CRPPA: variants seen among roughly 807,000 people sequenced by gnomAD.
CRPPA encodes the protein D-ribitol-5-phosphate cytidylyltransferase.
CRPPA carries 43 observed loss-of-function variants against 52.0 expected under a neutral mutation model. The ratio of observed to expected loss-of-function variants is 0.83; its 90% confidence interval spans 0.65 to 1.07. CRPPA has a LOEUF of 1.07. Ranked by LOEUF, CRPPA falls within the 50% of genes least tolerant of loss-of-function variation. CRPPA has a pLI of 0.00. For synonymous variants in CRPPA, 250 were observed against 203.5 expected (o/e 1.23, Z -1.94); for missense variants, 629 against 551.7 (o/e 1.14, Z -1.40).
At chr7:16,381,562 C>T (rs1481921643) in intron 2 of CRPPA, among the ~76,000 whole-genome samples, 1 of 151,918 alleles carries the variant, frequency 6.6e-6, no homozygotes, top group African/African-American at 2.4e-5. Context: ...CTTTCTGTCT[C>T]ATTGATCTGT....
intron 3 of CRPPA, among the ~76,000 whole-genome samples, chr7:16,319,839 GTGGT>G (rs920648846): frequency 1.3e-5 from 2 of 152,106 alleles, no homozygotes; most frequent in African/African-American, 4.8e-5. Flanking sequence ...CTCTGCTAGG[GTGGT>G]CATAGATTAG....
chr7:16,173,733 A>G (rs890616665), intron 9 of CRPPA, among the ~76,000 whole-genome samples: 6 of 152,198 alleles, frequency 3.9e-5, no homozygotes, highest in Non-Finnish European at 7.4e-5. Flanking sequence ...TCCCTACAGA[A>G]AAAATGGTTA....
intron 9 of CRPPA, among the ~76,000 whole-genome samples, chr7:16,163,568 C>T (rs1780968161): frequency 6.6e-6 from 1 of 152,106 alleles, no homozygotes. Flanking sequence ...ATGATACTAG[C>T]TGGTTATTTT....
At chr7:16,165,466 T>C (rs1382287099) in intron 9 of CRPPA, among the ~76,000 whole-genome samples, 4 of 152,306 alleles carry the variant, frequency 2.6e-5, no homozygotes, top group Middle Eastern at 3.4e-3. Context: ...TCAGTTATCA[T>C]CAGTTCTAGG....
In CRPPA at chr7:16,258,995, A is replaced by T; in HGVS notation, c.951T>A (p.Ser317=). ...KSELNHVKVT[S]EALGHAGRHL... Reference sequence around the variant, plus strand: ...GTCTGCCAGCATGACCCAGAGCCTCAGATGTGACTTTTACATGCTAGTAGG... The same window carrying T: ...GTCTGCCAGCATGACCCAGAGCCTCTGATGTGACTTTTACATGCTAGTAGG... Residue 317 remains serine (S), a synonymous_variant, in exon 7 of 10, where the codon TCT becomes TCA. Coordinates refer to ENST00000407010, the MANE Select transcript of CRPPA (RefSeq NM_001101426.4). 6.2e-7 allele frequency: 1 copy of T among 1,609,986 alleles called. No individual in the cohort carries two copies. The highest frequency in any genetic ancestry group is 1.1e-5 in the South Asian group (1 of 90,504).
chr7:16,176,872 C>T (rs1200453857), intron 9 of CRPPA, among the ~76,000 whole-genome samples: 1 of 152,036 alleles, frequency 6.6e-6, no homozygotes, highest in Non-Finnish European at 1.5e-5. Flanking sequence ...AATGCTGCTA[C>T]AAGTATTATT....
intron 9 of CRPPA, among the ~76,000 whole-genome samples, chr7:16,212,300 A>G (rs926914712): frequency 6.6e-5 from 10 of 152,196 alleles, no homozygotes; most frequent in Non-Finnish European, 1.3e-4. Context: ...TTGCTTTCAA[A>G]AGTTCTATTT....
chr7:16,205,318 T>G (rs1781950525), intron 9 of CRPPA, among the ~76,000 whole-genome samples: 1 of 152,196 alleles, frequency 6.6e-6, no homozygotes, highest in African/African-American at 2.4e-5. Flanking sequence ...GTTCTCATGA[T>G]GTTGCTGGCA....
rs147407170 is a variant in CRPPA, at chr7:16,295,156, C to T, written c.835+6265G>A. ...TAAAAGAATTTAACTGCTCTTCTAT[C>T]GGTATAGTTTTTCAGAAACAAATAA... On this transcript the variant is annotated intron_variant, in intron 5 of 9. Coordinates refer to ENST00000407010, the MANE Select transcript of CRPPA (RefSeq NM_001101426.4). Among the ~76,000 whole-genome samples the T allele has an allele frequency of 6.2e-4, 95 of 152,070 alleles. 1 individual carries two copies. Among genetic ancestry groups the T allele is most frequent in the African/African-American group, 2.2e-3 (93 of 41,520 alleles).
intron 3 of CRPPA, among the ~76,000 whole-genome samples, chr7:16,325,564 T>A (rs922099483): frequency 6.6e-6 from 1 of 152,126 alleles, no homozygotes; most frequent in Non-Finnish European, 1.5e-5. Context: ...GAAAGAGTGA[T>A]GACTATATAA....
At chr7:16,213,586 T>C (rs1417587858) in intron 9 of CRPPA, among the ~76,000 whole-genome samples, 2 of 152,026 alleles carry the variant, frequency 1.3e-5, no homozygotes, top group Non-Finnish European at 2.9e-5. Context: ...CTGTCTCTAC[T>C]ACATATACAA....
At chr7:16,324,606 G>A (rs1273818558) in intron 3 of CRPPA, among the ~76,000 whole-genome samples, 1 of 152,148 alleles carries the variant, frequency 6.6e-6, no homozygotes, top group Non-Finnish European at 1.5e-5. Flanking sequence ...CCACCTTGAA[G>A]GCACCTCTAG....
At chr7:16,251,917 C>CAA (rs926637506) in intron 8 of CRPPA, among the ~76,000 whole-genome samples, 10 of 151,892 alleles carry the variant, frequency 6.6e-5, no homozygotes, top group African/African-American at 2.4e-4. Context: ...GAAAACCCTT[C>CAA]AAAAAAATCA....
At chr7:16,324,477 T>C (rs1161373375) in intron 3 of CRPPA, among the ~76,000 whole-genome samples, 1 of 152,232 alleles carries the variant, frequency 6.6e-6, no homozygotes, top group Admixed American at 6.5e-5. Context: ...CAGCAGAGAA[T>C]GTAATTGGCA....
intron 9 of CRPPA, among the ~76,000 whole-genome samples, chr7:16,130,029 A>T (rs556137407): frequency 1.3e-5 from 2 of 152,272 alleles, no homozygotes; most frequent in East Asian, 3.9e-4. Flanking sequence ...TTCCCATTCT[A>T]CCTGGGATCA....
intron 2 of CRPPA, among the ~76,000 whole-genome samples, chr7:16,384,088 C>T (rs1234471387): frequency 6.6e-6 from 1 of 152,212 alleles, no homozygotes; most frequent in Non-Finnish European, 1.5e-5. Flanking sequence ...TCTTCTGCGT[C>T]ACTCAGGCTG....
intron 3 of CRPPA, among the ~76,000 whole-genome samples, chr7:16,359,203 C>G (rs1400027039): frequency 6.6e-6 from 1 of 152,160 alleles, no homozygotes; most frequent in African/African-American, 2.4e-5. Flanking sequence ...CTCACTGTAA[C>G]CTAGAACTCC....
chr7:16,272,909 C>A (rs919979042), intron 6 of CRPPA, among the ~76,000 whole-genome samples: 1 of 151,332 alleles, frequency 6.6e-6, no homozygotes, highest in African/African-American at 2.4e-5. Flanking sequence ...ATTTTTTTTC[C>A]ATTTATATAT....
Position 16,103,779 on chromosome 7 carries a change from TATG to T in CRPPA, c.1252-11983_1252-11981del, listed in dbSNP as rs1204280924. On this transcript the variant is annotated intron_variant, in intron 9 of 9. Transcript: ENST00000407010. ...GGCAATGGATACAATTTCCAGAACA[TATG>T]ATAACTTATAGGAGGGATAGAAAGC... Among the ~76,000 whole-genome samples, 5 of 152,282 alleles carry T rather than the reference TATG, an allele frequency of 3.3e-5. No individual in the cohort carries two copies. The East Asian group carries it at 9.7e-4, about 29-fold the overall frequency.
Sources: gnomAD v4.1 joint callset for allele counts (sites outside exome capture counted in the v4.1 genomes callset) on GRCh38, gnomAD v4.1.1 for gene constraint, MANE v1.5 for transcripts, NCBI Gene and HGNC (gene_info 2026-07-23, HGNC 2026-07-21) for gene names.